The following ANK1 variants were observed in gnomAD, a reference collection of about 807,000 sequenced individuals.
ANK1 encodes ankyrin 1.
A neutral mutation model predicts 210.4 loss-of-function variants in ANK1; 51 were observed. The observed-to-expected ratio is 0.24, with a 90% CI of 0.19 to 0.31. The LOEUF is 0.31. ANK1 is among the 10% of genes least tolerant of loss of function. The probability of loss-of-function intolerance (pLI) is 1.00; values close to 1 mark genes in which losing one functional copy is unlikely to be tolerated. For missense variants in ANK1, 2,051 were observed against 2,504.4 expected, an observed-to-expected ratio of 0.82 and a Z score of 3.86; for synonymous variants, 967 against 1,025.9, an observed-to-expected ratio of 0.94 and a Z score of 1.10.
At chr8:41,680,664 C>T (rs1412119098) in intron 37 of ANK1, among the ~76,000 whole-genome samples, 1 of 152,002 alleles carries the variant, frequency 6.6e-6, no homozygotes, top group East Asian at 1.9e-4. Context: ...TCCCTGGTAA[C>T]AGCATTTAGG....
At position 41,854,229 on chromosome 8, in the gene ANK1, C is replaced by A. The variant is rs72640349; in HGVS notation, c.126+42126G>T. ...ATCTTTCATATAAAATATTTCAGCTCGTTTCAGCTCCCATGAAACGAGGAA... is the reference window on the plus strand; with the variant it reads ...ATCTTTCATATAAAATATTTCAGCTAGTTTCAGCTCCCATGAAACGAGGAA... On this transcript the variant is annotated intron_variant, in intron 1 of 42. Coordinates refer to the ANK1 transcript ENST00000265709. Among the ~76,000 whole-genome samples, 831 of 152,280 alleles carry A rather than the reference C, an allele frequency of 5.5e-3. 2 individuals carry two copies. Among genetic ancestry groups the A allele is most frequent in the Non-Finnish European group, 9.7e-3 (661 of 68,028 alleles).
At chr8:41,732,166 T>C (rs1044122469) in intron 3 of ANK1, among the ~76,000 whole-genome samples, 6 of 152,240 alleles carry the variant, frequency 3.9e-5, no homozygotes, top group African/African-American at 1.4e-4. Flanking sequence ...ATAAATTATA[T>C]CTGTTCTCTA....
chr8:41,767,380 T>TC (rs1360553115), intron 1 of ANK1, among the ~76,000 whole-genome samples: 1 of 150,946 alleles, frequency 6.6e-6, no homozygotes, highest in African/African-American at 2.4e-5. Context: ...CGCGCTGCCA[T>TC]CGTCCGGCGC....
rs773899817 is a variant in ANK1, at chr8:41,699,487, C to A, written c.2523G>T (p.Lys841Asn). 1 of 1,614,176 alleles carries A rather than the reference C, an allele frequency of 6.2e-7. No homozygotes were observed. The highest frequency in any genetic ancestry group is 8.5e-7 in the Non-Finnish European group (1 of 1,180,044). Residue 841 changes from lysine (K) to asparagine (N), a missense_variant, in exon 23 of 43, where the codon AAG (lysine) becomes AAT (asparagine). Physicochemically the swap from Lys to Asn is moderately conservative, Grantham distance 94. Around this residue, in one of 6 missense-constraint regions of ANK1, gnomAD observed 1,413 missense variants for 1,707.4 expected, o/e 0.83. Transcript: ENST00000289734. Reference protein sequence around the residue: ...RRDSRDVDEEKELLDFVPKLD... With the variant: ...RRDSRDVDEENELLDFVPKLD... ...GCTTCGGCACAAAATCCAGCAGCTC[C>A]TTCTCTTCATCAACATCCCTGGAAT...
intron 2 of ANK1, among the ~76,000 whole-genome samples, chr8:41,754,238 T>C (rs1229552052): frequency 6.6e-6 from 1 of 152,220 alleles, no homozygotes; most frequent in Non-Finnish European, 1.5e-5. Context: ...GACACAGGCA[T>C]CTAAAGTGCA....
At chr8:41,778,406 G>A (rs1299827847) in intron 1 of ANK1, among the ~76,000 whole-genome samples, 1 of 152,202 alleles carries the variant, frequency 6.6e-6, no homozygotes, top group African/African-American at 2.4e-5. Flanking sequence ...ATCTTTGATG[G>A]AGCAGTGAGA....
In ANK1 at chr8:41,736,227, C is replaced by T. The variant is rs571939113; in HGVS notation, c.130-2158G>A. On this transcript the variant is annotated intron_variant, in intron 2 of 42. Transcript: ENST00000289734. ...CACTGGGCAGGCAGAAACCAACTCC[C>T]CTCCCCTTGATTTGCAAGACAAATT... is the stretch of plus-strand genomic sequence containing the variant. Among the ~76,000 whole-genome samples, 70 of 152,308 alleles carry T rather than the reference C, an allele frequency of 4.6e-4. 1 individual carries two copies. The highest frequency in any genetic ancestry group is 1.6e-3 in the African/African-American group (68 of 41,552).
rs553718397 is a variant in ANK1 at position 41,832,939 on chromosome 8, T to C, written c.126+63416A>G. On this transcript the variant is annotated intron_variant, in intron 1 of 42. Transcript: ENST00000265709. ...ATAATTTGCTTCTTGGCTCATCTCC[T>C]GGGAATTAGAGAACTGGGTCTGTTA... Among the ~76,000 whole-genome samples the C allele has an allele frequency of 1.6e-4, 24 of 152,314 alleles. No individual in the cohort carries two copies. The East Asian group carries it at 3.9e-3, about 24-fold the overall frequency.
chr8:41,763,889 C>CTTTTTTTTTTTTTTTTTTT lies in ANK1; in HGVS notation c.28-5771_28-5753dup, dbSNP rs869100297. 3.5e-3 allele frequency among the ~76,000 whole-genome samples: 205 copies of CTTTTTTTTTTTTTTTTTTT among 57,832 alleles called. 1 individual carries two copies. Among genetic ancestry groups the CTTTTTTTTTTTTTTTTTTT allele is most frequent in the Non-Finnish European group, 4.2e-3 (140 of 33,462 alleles). The allele number at this position is 57,832 out of a possible 152,430, so 37.9% of individuals were successfully genotyped here. On this transcript the variant is annotated intron_variant, in intron 1 of 42. Transcript: ENST00000289734. ...TTCTTCTTTCTTTTTTTCTTTTTTT[C>CTTTTTTTTTTTTTTTTTTT]TTTTTTTTTTTTTTTTTTTTTTTTT...
intron 22 of ANK1, chr8:41,700,418 A>T (rs770021412): frequency 6.2e-7 from 1 of 1,612,986 alleles, no homozygotes; most frequent in Non-Finnish European, 8.5e-7. Context: ...AGTAAACAGA[A>T]AGCATTTCAT....
Position 41,715,842 on chromosome 8 carries a change from T to C in ANK1, c.1412A>G (p.Gln471Arg). Reference sequence around the variant, plus strand: ...GCGAGCTGCACAGTGAAGTGGGGTCTGGTCATCCTGGACCCCGAAGGGAAA... The same window carrying C: ...GCGAGCTGCACAGTGAAGTGGGGTCCGGTCATCCTGGACCCCGAAGGGAAA... The part of the protein sequence containing the change: ...AKVNAKAKDD[Q>R]TPLHCAARIG... The change falls in exon 14 of 43, where the codon CAG becomes CGG. Residue 471 changes from glutamine (Q) to arginine (R), a missense_variant. By Grantham distance (43) the Gln-to-Arg change is conservative. This residue lies in a region of ANK1 where 1,413 missense variants were observed against 1,707.4 expected (regional missense o/e 0.83). Coordinates refer to ENST00000289734, the MANE Select transcript of ANK1 (RefSeq NM_000037.4). The C allele has an allele frequency of 6.2e-7, 1 of 1,614,234 alleles. No homozygotes were observed. The highest frequency in any genetic ancestry group is 8.5e-7 in the Non-Finnish European group (1 of 1,180,050).
rs1156592579 is a variant in ANK1, at chr8:41,672,545, G to A, written c.4905C>T (p.Ile1635=). 5.0e-6 allele frequency: 8 copies of A among 1,614,160 alleles called. No homozygotes were observed. The highest frequency in any genetic ancestry group is 5.9e-6 in the Non-Finnish European group (7 of 1,180,038). The change falls in exon 38 of 43, where the codon ATC becomes ATT. Residue 1635 remains isoleucine, a synonymous_variant. Coordinates refer to ENST00000289734, the MANE Select transcript of ANK1 (RefSeq NM_000037.4). ...GACCTTCCTCCTGTTCAAGCAAATC[G>A]ATAAGGCCATTTGTGGCATCTGAAT... ...TVDSDATNGL[I]DLLEQEEGQR...
Position 41,688,143 on chromosome 8 carries a change from AT to A in ANK1, c.4258+12del. On this transcript the variant is annotated intron_variant, in intron 35 of 42. Coordinates refer to ENST00000289734, the MANE Select transcript of ANK1 (RefSeq NM_000037.4). ...TGGACAAAGTGCTTTTCTGCCCCCA[AT>A]TCCCCACTCACCTGCCCAGCTGAGA... is the stretch of plus-strand genomic sequence containing the variant. The A allele has an allele frequency of 6.2e-7, 1 of 1,613,926 alleles. No individual in the cohort carries two copies. Among genetic ancestry groups the A allele is most frequent in the Non-Finnish European group, 8.5e-7 (1 of 1,179,820 alleles).
rs11393876 is a variant in ANK1, at chr8:41,849,523, C to CAA, written c.126+46830_126+46831dup. 2.2e-3 allele frequency among the ~76,000 whole-genome samples: 325 copies of CAA among 149,084 alleles called. 4 individuals are homozygous for CAA. The highest frequency in any genetic ancestry group is 5.7e-3 in the African/African-American group (234 of 40,704). On this transcript the variant is annotated intron_variant, in intron 1 of 42. Coordinates refer to the ANK1 transcript ENST00000265709. ...TGGGAGAGAGAGCGAGACAATGTCC[C>CAA]AAAAAAAAAAATGTAGTCATTTATC...
intron 1 of ANK1, among the ~76,000 whole-genome samples, chr8:41,814,935 T>C (rs10089948): frequency 0.34 from 52,396 of 151,954 alleles, 9,379 homozygotes; most frequent in Middle Eastern, 0.45. Flanking sequence ...ATTAGCTTAG[T>C]AGGTATGTTT....
Position 41,704,187 on chromosome 8 carries a change from GA to G in ANK1, c.2197-49del. The G allele has an allele frequency of 1.3e-6, 2 of 1,533,188 alleles. No homozygotes were observed. The highest frequency in any genetic ancestry group is 1.8e-6 in the Non-Finnish European group (2 of 1,107,696). The allele number at this position is 1,533,188 out of a possible 1,614,324, so 95.0% of individuals were successfully genotyped here. ...GGCAGGGTTAGCCAGCCACTAGACAGAGACCTGCCTACACATGATAGTGCCT... is the reference window on the plus strand; with the variant it reads ...GGCAGGGTTAGCCAGCCACTAGACAGGACCTGCCTACACATGATAGTGCCT... On this transcript the variant is annotated intron_variant, in intron 19 of 42. Coordinates refer to ENST00000289734, the MANE Select transcript of ANK1 (RefSeq NM_000037.4). This position sits in a 1 kb window ranked among gnomAD's most constrained non-coding sequence, Gnocchi z 4.1.
intron 22 of ANK1, chr8:41,700,585 T>G: frequency 1.1e-6 from 1 of 950,938 alleles, no homozygotes; most frequent in East Asian, 2.5e-5. Context: ...AACCATGAAA[T>G]TATCCAGATG....
At chr8:41,796,066 CTAAT>C (rs1182531109) in intron 1 of ANK1, among the ~76,000 whole-genome samples, 3 of 152,156 alleles carry the variant, frequency 2.0e-5, no homozygotes, top group Non-Finnish European at 4.4e-5. Flanking sequence ...AGAGAAGAAA[CTAAT>C]TATAATTGAC....
At chr8:41,857,361 G>C (rs904706659) in intron 1 of ANK1, among the ~76,000 whole-genome samples, 2 of 151,588 alleles carry the variant, frequency 1.3e-5, no homozygotes, top group Non-Finnish European at 1.5e-5. Flanking sequence ...ACTTTGGGAG[G>C]CCGAGGCAGG....
Sources: allele counts gnomAD v4.1 joint callset (sites outside exome capture counted in the v4.1 genomes callset), GRCh38; gene constraint gnomAD v4.1.1; regional missense constraint gnomAD v4.1.1; non-coding constraint Gnocchi (gnomAD v3.1); transcripts MANE v1.5; gene names NCBI Gene and HGNC (gene_info 2026-07-23, HGNC 2026-07-21).